MYH9: variants seen among roughly 807,000 people sequenced by gnomAD.
The protein encoded by MYH9 is myosin heavy chain 9.
Under a neutral mutation model 241.9 loss-of-function variants are expected in MYH9, and 29 were observed. The observed-to-expected ratio is 0.12, with a 90% CI of 0.09 to 0.16. The LOEUF (loss-of-function observed/expected upper bound fraction) is 0.16. MYH9 is among the 10% of genes least tolerant of loss of function. MYH9 has a pLI of 1.00. For synonymous variants in MYH9, 1,047 were observed against 1,062.6 expected, an observed-to-expected ratio of 0.99 and a Z score of 0.29; for missense variants, 1,803 against 2,595.5, an observed-to-expected ratio of 0.69 and a Z score of 6.63.
chr22:36,294,079 G>A lies in MYH9; in HGVS notation c.3837+13C>T. 6.2e-7 allele frequency: 1 copy of A among 1,606,686 alleles called. No individual in the cohort carries two copies. The highest frequency in any genetic ancestry group is 8.5e-7 in the Non-Finnish European group (1 of 1,179,994). On this transcript the variant is annotated intron_variant, in intron 28 of 40. Transcript: ENST00000216181. ...GCCCACTGCCCGCGCCAGGGTCCTG[G>A]CGGAGGCCTCACCTGCAGCTTGGTG...
chr22:36,360,072 C>T (rs1289561037), intron 1 of MYH9, among the ~76,000 whole-genome samples: 1 of 147,102 alleles, frequency 6.8e-6, no homozygotes, highest in East Asian at 2.0e-4. Context: ...ACCACCACCA[C>T]CACCTAACAT....
chr22:36,321,922 C>A (rs948824806), intron 6 of MYH9, 101 bp from the exon 7 acceptor site: 15 of 1,076,130 alleles, frequency 1.4e-5, no homozygotes, highest in Non-Finnish European at 1.9e-5. Flanking sequence ...CCGGTGGGCA[C>A]AGCTTGGAGG....
intron 3 of MYH9, among the ~76,000 whole-genome samples, chr22:36,334,953 C>CACG (rs1297251232): frequency 6.6e-6 from 1 of 152,170 alleles, no homozygotes; most frequent in Non-Finnish European, 1.5e-5. Context: ...GTCTCTCCTC[C>CACG]ACGACACACT....
chr22:36,309,513 T>C, intron 14 of MYH9, 117 bp from the exon 15 acceptor site: 1 of 755,876 alleles, frequency 1.3e-6, no homozygotes. Context: ...TGAAGACCCT[T>C]TGATCCAGCA....
intron 1 of MYH9, among the ~76,000 whole-genome samples, chr22:36,367,904 C>T (rs1165690046): frequency 4.6e-5 from 7 of 152,336 alleles, no homozygotes; most frequent in African/African-American, 1.4e-4. Context: ...CTTGCACACA[C>T]ACAGATATGC....
At position 36,303,009 on chromosome 22, in the gene MYH9, T is replaced by C. The variant is rs1007953; in HGVS notation, c.2391-333A>G. 1 allele frequency among the ~76,000 whole-genome samples: 152,012 copies of C among 152,274 alleles called. 75,876 individuals are homozygous for C. The highest frequency in any genetic ancestry group is 1 in the Middle Eastern group (294 of 294). ...TGAGCGTGACCCTTGGTGATTAAGC[T>C]GACTGGCCCTGGGTGACTCTGGACT... On this transcript the variant is annotated intron_variant, in intron 19 of 40. Transcript: ENST00000216181.
At chr22:36,379,906 T>C (rs564400102) in intron 1 of MYH9, among the ~76,000 whole-genome samples, 56 of 152,334 alleles carry the variant, frequency 3.7e-4, no homozygotes, top group African/African-American at 1.3e-3. Context: ...ATCGTGGGAA[T>C]GGGAACCTGA....
intron 1 of MYH9, among the ~76,000 whole-genome samples, chr22:36,361,376 T>G (rs2017933510): frequency 6.6e-6 from 1 of 152,146 alleles, no homozygotes. Flanking sequence ...CTCAGGTGAC[T>G]GCTGAAAGTC....
At chr22:36,385,664 G>A (rs1295216580) in intron 1 of MYH9, among the ~76,000 whole-genome samples, 1 of 152,074 alleles carries the variant, frequency 6.6e-6, no homozygotes. Context: ...TCTCTCCGGG[G>A]CTGGGGAGCT....
At chr22:36,379,729 G>A (rs979933785) in intron 1 of MYH9, among the ~76,000 whole-genome samples, 3 of 152,118 alleles carry the variant, frequency 2.0e-5, no homozygotes, top group Non-Finnish European at 2.9e-5. Context: ...ACACCCTTCC[G>A]GAAGGCCCTG....
chr22:36,358,864 C>T (rs1366595262), intron 1 of MYH9, among the ~76,000 whole-genome samples: 1 of 152,226 alleles, frequency 6.6e-6, no homozygotes, highest in African/African-American at 2.4e-5. Flanking sequence ...AATGGTTCGA[C>T]AGCTCCACAC....
At chr22:36,343,406 C>A (rs189673297) in intron 2 of MYH9, among the ~76,000 whole-genome samples, 3 of 151,564 alleles carry the variant, frequency 2.0e-5, no homozygotes, top group Non-Finnish European at 4.4e-5. Flanking sequence ...AAATTAGCTG[C>A]GTGTGGTGGC....
At chr22:36,368,123 A>G (rs555376334) in intron 1 of MYH9, among the ~76,000 whole-genome samples, 1 of 152,328 alleles carries the variant, frequency 6.6e-6, no homozygotes, top group East Asian at 1.9e-4. Context: ...AATCCGGCAA[A>G]TTATTTAAAT....
chr22:36,342,095 T>C (rs1272634145), intron 2 of MYH9, among the ~76,000 whole-genome samples: 2 of 152,348 alleles, frequency 1.3e-5, no homozygotes, highest in East Asian at 3.9e-4. Flanking sequence ...TCTAGAGACA[T>C]TCACATGCAA....
Position 36,340,910 on chromosome 22 carries a change from G to T in MYH9, c.490+460C>A, listed in dbSNP as rs541319030. ...GCTTCACTGCGATGGAACAGAAGGG[G>T]CACAGAAGCCAGAGTGACAGGGGGG... On this transcript the variant is annotated intron_variant, in intron 3 of 40. Coordinates refer to ENST00000216181, the MANE Select transcript of MYH9 (RefSeq NM_002473.6). Among the ~76,000 whole-genome samples the T allele has an allele frequency of 3.3e-5, 5 of 152,262 alleles. No individual in the cohort carries two copies. The South Asian group carries it at 1.0e-3, about 32-fold the overall frequency.
chr22:36,371,059 C>T (rs2018083233), intron 1 of MYH9, among the ~76,000 whole-genome samples: 1 of 152,192 alleles, frequency 6.6e-6, no homozygotes, highest in African/African-American at 2.4e-5. Context: ...GGCTCCTCCC[C>T]CAGATCTGAA....
intron 3 of MYH9, among the ~76,000 whole-genome samples, chr22:36,336,895 A>G (rs1305240561): frequency 6.6e-6 from 1 of 152,230 alleles, no homozygotes; most frequent in Non-Finnish European, 1.5e-5. Flanking sequence ...GGCATCCAGT[A>G]ACAGGATAAT....
At position 36,293,696 on chromosome 22, in the gene MYH9, T is replaced by C; in HGVS notation, c.3942+63A>G. On this transcript the variant is annotated intron_variant, in intron 29 of 40. Transcript: ENST00000216181. The surrounding 1 kb of genome is among the most constrained non-coding windows in gnomAD (Gnocchi z 5.1). ...AATCCGATGGGCTCTGAAGCTAATG[T>C]TGCGTGGACACAGAGGCCTTTCTGG... The C allele has an allele frequency of 1.4e-6, 2 of 1,457,766 alleles. No individual in the cohort carries two copies. Among genetic ancestry groups the C allele is most frequent in the East Asian group, 2.3e-5 (1 of 43,676 alleles). The allele number at this position is 1,457,766 out of a possible 1,614,324, so 90.3% of individuals were successfully genotyped here. A position where few individuals can be genotyped will look rare whatever the true frequency, so the allele number is the denominator to read the frequency against.
chr22:36,373,419 C>G (rs915164080), intron 1 of MYH9, among the ~76,000 whole-genome samples: 1 of 152,342 alleles, frequency 6.6e-6, no homozygotes, highest in Non-Finnish European at 1.5e-5. Context: ...AGTGACACAA[C>G]GGCGGAGGCG....
Sources: gnomAD v4.1 joint callset for allele counts (sites outside exome capture counted in the v4.1 genomes callset) on GRCh38, gnomAD v4.1.1 for gene constraint, Gnocchi (gnomAD v3.1) non-coding constraint, MANE v1.5 for transcripts, NCBI Gene and HGNC (gene_info 2026-07-23, HGNC 2026-07-21) for gene names.